Variants in MEGF6 observed in about 807,000 individuals in gnomAD.
MEGF6 encodes the protein multiple epidermal growth factor-like domains protein 6.
MEGF6 carries 184 observed loss-of-function variants against 207.1 expected under a neutral mutation model. The ratio of observed to expected loss-of-function variants is 0.89; its 90% CI spans 0.79 to 1.00. MEGF6 has a LOEUF of 1.00. Ranked by LOEUF, MEGF6 falls within the 50% of genes least tolerant of loss-of-function variation. MEGF6 has a pLI of 0.00. For synonymous variants in MEGF6, 1,038 were observed against 910.0 expected, an observed-to-expected ratio of 1.14 and a Z score of -2.53; for missense variants, 2,282 against 2,202.9, an observed-to-expected ratio of 1.04 and a Z score of -0.72.
chr1:3,502,026 G>T, intron 17 of MEGF6, 105 bp from the exon 18 acceptor site: 1 of 1,447,626 alleles, frequency 6.9e-7, no homozygotes, highest in Non-Finnish European at 9.2e-7. Context: ...TGCCTCACAT[G>T]GGCTCCTGGC....
chr1:3,521,012 A>C (rs910585029), intron 5 of MEGF6, among the ~76,000 whole-genome samples: 1 of 152,154 alleles, frequency 6.6e-6, no homozygotes, highest in Admixed American at 6.5e-5. Flanking sequence ...CCTCTCTGCA[A>C]GCCTCACTCC....
intron 1 of MEGF6, among the ~76,000 whole-genome samples, chr1:3,603,394 C>G (rs540957150): frequency 2.0e-5 from 3 of 152,098 alleles, no homozygotes; most frequent in African/African-American, 7.2e-5. Flanking sequence ...CTGCCCTGAC[C>G]GAGGGGTGAG....
intron 3 of MEGF6, among the ~76,000 whole-genome samples, chr1:3,590,717 TC>T (rs1392655859): frequency 6.6e-6 from 1 of 151,400 alleles, no homozygotes; most frequent in Non-Finnish European, 1.5e-5. Context: ...CTCAGGGGCC[TC>T]CCCTGTCCCT....
At chr1:3,544,082 G>C (rs1642621228) in intron 4 of MEGF6, among the ~76,000 whole-genome samples, 1 of 152,142 alleles carries the variant, frequency 6.6e-6, no homozygotes, top group Non-Finnish European at 1.5e-5. Context: ...GCGGGAGTGT[G>C]GTCAGTCTGT....
chr1:3,613,863 T>A (rs945247786), upstream of MEGF6, among the ~76,000 whole-genome samples: 1 of 151,890 alleles, frequency 6.6e-6, no homozygotes, highest in Non-Finnish European at 1.5e-5. Flanking sequence ...CTCTCCCCTG[T>A]CCCAGGCACT....
intron 4 of MEGF6, chr1:3,531,548 C>T (rs2101389724): frequency 2.1e-6 from 2 of 949,648 alleles, no homozygotes; most frequent in Non-Finnish European, 2.5e-6. Flanking sequence ...CCCCAGGGGG[C>T]CGCGCCGGCC....
intron 2 of MEGF6, among the ~76,000 whole-genome samples, chr1:3,599,966 C>T (rs186906336): frequency 8.5e-5 from 13 of 152,258 alleles, no homozygotes; most frequent in African/African-American, 2.2e-4. Flanking sequence ...AGGAGGCTGA[C>T]GTCGCCAGGC....
Position 3,611,419 on chromosome 1 carries a change from C to T in MEGF6, c.-151G>A. The stretch of plus-strand genomic sequence containing the variant: ...AGGTCGCTGCAGGTGCGGAGCGTCC[C>T]GGCTTCCCGCCCGCGCCCAAAGTGG... On this transcript the variant is annotated 5_prime_UTR_variant, in exon 1 of 37. Coordinates refer to ENST00000356575, the MANE Select transcript of MEGF6 (RefSeq NM_001409.4). The T allele has an allele frequency of 8.9e-7, 1 of 1,128,804 alleles. No homozygotes were observed. The highest frequency in any genetic ancestry group is 1.2e-6 in the Non-Finnish European group (1 of 867,936). The allele number at this position is 1,128,804 out of a possible 1,614,324, so 69.9% of individuals were successfully genotyped here.
chr1:3,579,755 G>C, intron 4 of MEGF6, 70 bp downstream of exon 4: 1 of 1,171,020 alleles, frequency 8.5e-7, no homozygotes, highest in Non-Finnish European at 1.1e-6. Flanking sequence ...GCCAGTGGCC[G>C]ACACATCCTC....
chr1:3,506,066 G>A (rs554498776), intron 15 of MEGF6, 42 bp downstream of exon 15: 39 of 1,546,140 alleles, frequency 2.5e-5, no homozygotes, highest in African/African-American at 2.4e-4. Context: ...CCTTCCACCC[G>A]CTGCCACCAC....
chr1:3,511,595 A>T lies in MEGF6; in HGVS notation c.1069T>A (p.Cys357Ser), dbSNP rs1461973796. Reference sequence around the variant, plus strand: ...GTGTCCAGCTCGTAGCCGCGGGGACATGTGCACAGGGGCCCAGCACTGGTG... The same window carrying T: ...GTGTCCAGCTCGTAGCCGCGGGGACTTGTGCACAGGGGCCCAGCACTGGTG... ...SHTSAGPLCTCPRGYELDTDQ... is the reference protein window; with the variant it reads ...SHTSAGPLCTSPRGYELDTDQ... Residue 357 changes from cysteine (C) to serine (S), a missense_variant, in exon 9 of 37, where the codon TGT becomes AGT. By Grantham distance (112) the Cys-to-Ser change is moderately radical (BLOSUM62 -1). Transcript: ENST00000356575. 2 of 1,612,302 alleles carry T rather than the reference A, an allele frequency of 1.2e-6. No individual in the cohort carries two copies. The highest frequency in any genetic ancestry group is 4.5e-5 in the East Asian group (2 of 44,836).
chr1:3,504,089 G>A (rs925891214), intron 17 of MEGF6, among the ~76,000 whole-genome samples: 2 of 152,116 alleles, frequency 1.3e-5, no homozygotes, highest in African/African-American at 4.8e-5. Context: ...TGAGTCCAGA[G>A]AGCCCCCTGG....
At chr1:3,523,204 C>T (rs1055872092) in intron 5 of MEGF6, among the ~76,000 whole-genome samples, 2 of 152,152 alleles carry the variant, frequency 1.3e-5, no homozygotes, top group Non-Finnish European at 2.9e-5. Flanking sequence ...TCCTGACGCC[C>T]ATCACCCAGA....
chr1:3,535,489 C>G (rs553669333), intron 4 of MEGF6, among the ~76,000 whole-genome samples: 1 of 152,112 alleles, frequency 6.6e-6, no homozygotes, highest in Non-Finnish European at 1.5e-5. Flanking sequence ...TGGTCCTCCA[C>G]ACAGACCACC....
intron 4 of MEGF6, among the ~76,000 whole-genome samples, chr1:3,574,513 G>A (rs1643588483): frequency 6.7e-6 from 1 of 150,326 alleles, no homozygotes; most frequent in Non-Finnish European, 1.5e-5. Context: ...ACCCAGGAGT[G>A]AGGGTGGCAA....
chr1:3,561,536 G>T (rs909505525), intron 4 of MEGF6, among the ~76,000 whole-genome samples: 5 of 152,316 alleles, frequency 3.3e-5, no homozygotes, highest in South Asian at 2.1e-4. Flanking sequence ...AGGCCTGGAT[G>T]GTCGGGGACC....
intron 35 of MEGF6, 121 bp from the exon 36 acceptor site, chr1:3,491,080 C>T: frequency 3.9e-6 from 3 of 778,874 alleles, no homozygotes; most frequent in Non-Finnish European, 5.6e-6. Flanking sequence ...GCACAGTCTC[C>T]TTCCCTTCTC....
At chr1:3,571,727 TGCGGGTGCACTGGGTC>T (rs1643500440) in intron 4 of MEGF6, among the ~76,000 whole-genome samples, 1 of 119,636 alleles carries the variant, frequency 8.4e-6, no homozygotes. Flanking sequence ...GCTGGGTCCT[TGCGGGTGCACTGGGTC>T]TTCCCTGGTG....
intron 4 of MEGF6, among the ~76,000 whole-genome samples, chr1:3,533,397 G>A (rs1642234458): frequency 6.6e-6 from 1 of 152,244 alleles, no homozygotes; most frequent in African/African-American, 2.4e-5. Flanking sequence ...GGATAGACAG[G>A]CTGACGGGCC....
Sources: allele counts gnomAD v4.1 joint callset (sites outside exome capture counted in the v4.1 genomes callset), GRCh38; gene constraint gnomAD v4.1.1; transcripts MANE v1.5; gene names NCBI Gene and HGNC (gene_info 2026-07-23, HGNC 2026-07-21).